TET3: variants seen among roughly 807,000 people sequenced by gnomAD.
TET3 encodes tet methylcytosine dioxygenase 3, also known as methylcytosine dioxygenase TET3.
Under a neutral mutation model 141.4 loss-of-function variants are expected in TET3, and 19 were observed. That is an observed-to-expected ratio of 0.13 (90% CI 0.09 to 0.20). The LOEUF (loss-of-function observed/expected upper bound fraction) is 0.20, where lower values mean the gene tolerates loss of function less well. TET3 is among the 10% of genes least tolerant of loss of function. TET3 has a pLI of 1.00. For missense variants in TET3, 1,874 were observed against 2,356.9 expected (o/e 0.80, Z 4.24); for synonymous variants, 1,043 against 980.9 (o/e 1.06, Z -1.18).
At position 74,105,322 on chromosome 2, in the gene TET3, T is replaced by G; in HGVS notation, c.*3146T>G. The G allele has an allele frequency of 7.5e-6, 3 of 398,624 alleles. No homozygotes were observed. Among genetic ancestry groups the G allele is most frequent in the Non-Finnish European group, 1.3e-5 (3 of 226,066 alleles). 24.7% of individuals were successfully genotyped at this position (398,624 alleles called of 1,614,324 possible). On this transcript the variant is annotated 3_prime_UTR_variant, in exon 12 of 12. Coordinates refer to ENST00000409262, the MANE Select transcript of TET3 (RefSeq NM_001287491.2). ...CATTTGGTTCCTTTTCTGCTCTGTT[T>G]TGTTTTCCCTGCCTGTTGCGTGCAA...
intron 3 of TET3, among the ~76,000 whole-genome samples, chr2:74,011,626 T>G (rs1685440211): frequency 6.6e-6 from 1 of 152,272 alleles, no homozygotes. Context: ...CTTTTCTACC[T>G]GGGCCTTAGG....
At position 73,986,222 on chromosome 2, in the gene TET3, C is replaced by T; in HGVS notation, c.-182C>T. Reference sequence around the variant, plus strand: ...CCCCCTACGGAGTCCGATCAGACTGCTGCAGAGGAGGTGAAGAGGGGTTGA... The same window carrying T: ...CCCCCTACGGAGTCCGATCAGACTGTTGCAGAGGAGGTGAAGAGGGGTTGA... On this transcript the variant is annotated 5_prime_UTR_variant, in exon 2 of 12. Transcript: ENST00000409262. The T allele has an allele frequency of 4.4e-6, 2 of 455,372 alleles. No individual in the cohort carries two copies. The allele number at this position is 455,372 out of a possible 1,614,324, so 28.2% of individuals were successfully genotyped here.
intron 4 of TET3, among the ~76,000 whole-genome samples, chr2:74,066,760 G>T (rs539850796): frequency 6.6e-6 from 1 of 152,272 alleles, no homozygotes; most frequent in East Asian, 1.9e-4. Flanking sequence ...TTCGTATCTT[G>T]TTTTCCAGCT....
chr2:73,998,611 TCCGCTG>T (rs1421326006), intron 2 of TET3: 1 of 152,414 alleles, frequency 6.6e-6, no homozygotes, highest in African/African-American at 2.4e-5. Context: ...GACACAGACT[TCCGCTG>T]CCAAAGCTAA....
chr2:74,112,788 G>A (rs1281572805), downstream of TET3, among the ~76,000 whole-genome samples: 1 of 151,864 alleles, frequency 6.6e-6, no homozygotes, highest in Non-Finnish European at 1.5e-5. Context: ...GGATCATGAG[G>A]TCAGAAGTTC....
At chr2:74,119,024 T>G in the TET3 span, among the ~76,000 whole-genome samples, 1 of 152,242 alleles carries the variant, frequency 6.6e-6, no homozygotes, top group East Asian at 1.9e-4. Context: ...TTCTTTGATC[T>G]GCAGACTGCT....
At chr2:74,027,409 A>G (rs1686434310) in intron 3 of TET3, among the ~76,000 whole-genome samples, 1 of 149,932 alleles carries the variant, frequency 6.7e-6, no homozygotes, top group Admixed American at 6.7e-5. Flanking sequence ...TTGGCAGTGT[A>G]TAATTCAGTG....
intron 5 of TET3, among the ~76,000 whole-genome samples, chr2:74,077,649 T>C (rs1689584997): frequency 6.6e-6 from 1 of 152,226 alleles, no homozygotes; most frequent in African/African-American, 2.4e-5. Context: ...TTTTTAAGTC[T>C]AGCTGATCAG....
chr2:74,014,001 G>A (rs6717896), intron 3 of TET3, among the ~76,000 whole-genome samples: 35,847 of 151,828 alleles, frequency 0.24, 4,497 homozygotes, highest in Non-Finnish European at 0.28. Flanking sequence ...CTCAGTAGCT[G>A]TGGTTTTTTT....
intron 3 of TET3, among the ~76,000 whole-genome samples, chr2:74,021,056 A>C (rs915317052): frequency 6.6e-6 from 1 of 152,220 alleles, no homozygotes; most frequent in Non-Finnish European, 1.5e-5. Flanking sequence ...GAGGACACTC[A>C]AGAAATACTG....
intron 4 of TET3, among the ~76,000 whole-genome samples, chr2:74,050,156 A>G (rs1345740982): frequency 1.3e-5 from 2 of 152,194 alleles, no homozygotes. Flanking sequence ...ATTTAATTAT[A>G]TGGATATTAT....
At chr2:73,988,850 C>T (rs10496194) in intron 2 of TET3, among the ~76,000 whole-genome samples, 1 of 150,250 alleles carries the variant, frequency 6.7e-6, no homozygotes, top group African/African-American at 2.4e-5. Context: ...TTCTACTTCT[C>T]GATGTTTAAA....
chr2:74,083,104 C>T (rs1351127727), intron 6 of TET3, among the ~76,000 whole-genome samples: 1 of 152,222 alleles, frequency 6.6e-6, no homozygotes, highest in African/African-American at 2.4e-5. Flanking sequence ...AGTCAAGGTA[C>T]ATCATGGGTG....
At chr2:74,098,249 T>G (rs950404467) in intron 10 of TET3, among the ~76,000 whole-genome samples, 1 of 152,196 alleles carries the variant, frequency 6.6e-6, no homozygotes, top group East Asian at 1.9e-4. Context: ...AAGTATTGTT[T>G]ATGGTATAAA....
At chr2:74,006,818 G>A (rs1250577201) in intron 3 of TET3, among the ~76,000 whole-genome samples, 2 of 152,188 alleles carry the variant, frequency 1.3e-5, no homozygotes, top group Non-Finnish European at 2.9e-5. Context: ...GCATCTGGCA[G>A]TTAGCTGAGG....
At chr2:74,088,090 G>A in intron 7 of TET3, 52 bp downstream of exon 7, 1 of 1,518,504 alleles carries the variant, frequency 6.6e-7, no homozygotes, top group Non-Finnish European at 8.9e-7. Context: ...GTCCTGGGCA[G>A]CAAATACAGG....
chr2:74,007,257 C>T (rs1685198143), intron 3 of TET3, among the ~76,000 whole-genome samples: 1 of 152,144 alleles, frequency 6.6e-6, no homozygotes, highest in African/African-American at 2.4e-5. Flanking sequence ...GAATCCTCAC[C>T]CCAGATGCAC....
intron 6 of TET3, 91 bp downstream of exon 6, chr2:74,080,682 A>G: frequency 4.1e-6 from 2 of 485,452 alleles, no homozygotes; most frequent in Non-Finnish European, 6.7e-6. Flanking sequence ...TGCTGCATGT[A>G]GCTGAGCAGG....
intron 10 of TET3, among the ~76,000 whole-genome samples, chr2:74,097,813 G>T (rs969683953): frequency 9.2e-5 from 14 of 152,052 alleles, no homozygotes; most frequent in African/African-American, 2.4e-4. Context: ...ATGGCGAGGG[G>T]GTGTGAGCTC....
Sources: allele counts gnomAD v4.1 joint callset (sites outside exome capture counted in the v4.1 genomes callset), GRCh38; gene constraint gnomAD v4.1.1; transcripts MANE v1.5; gene names NCBI Gene and HGNC (gene_info 2026-07-23, HGNC 2026-07-21).